Variants in ADAM23 observed in about 807,000 individuals in gnomAD.
The protein encoded by ADAM23 is ADAM metallopeptidase domain 23.
A neutral mutation model predicts 120.1 loss-of-function variants in ADAM23; 33 were observed. The observed-to-expected ratio is 0.27, with a 90% CI of 0.21 to 0.37. The LOEUF is 0.37. Ranked by LOEUF, ADAM23 falls within the 10% of genes least tolerant of loss-of-function variation. The pLI is 1.00. For missense variants in ADAM23, 862 were observed against 1,058.2 expected (o/e 0.81, Z 2.57); for synonymous variants, 367 against 375.2 (o/e 0.98, Z 0.25).
chr2:206,528,673 A>G (rs192428595), intron 3 of ADAM23, among the ~76,000 whole-genome samples: 2 of 152,272 alleles, frequency 1.3e-5, no homozygotes, highest in Admixed American at 1.3e-4. Flanking sequence ...GAGTCCTCCC[A>G]TTTTTCAGCT....
chr2:206,598,485 G>A (rs1698572811), intron 24 of ADAM23, among the ~76,000 whole-genome samples: 1 of 152,074 alleles, frequency 6.6e-6, no homozygotes, highest in African/African-American at 2.4e-5. Flanking sequence ...TCCATTTAAT[G>A]TGGTAGTATC....
chr2:206,493,108 G>C (rs1034447687), intron 3 of ADAM23, among the ~76,000 whole-genome samples: 6 of 152,150 alleles, frequency 3.9e-5, no homozygotes, highest in Admixed American at 2.6e-4. Flanking sequence ...TCTGTTGCCA[G>C]TGAGAATTGT....
intron 18 of ADAM23, among the ~76,000 whole-genome samples, chr2:206,585,717 CAT>C (rs1015879950): frequency 1.3e-5 from 2 of 151,968 alleles, no homozygotes; most frequent in East Asian, 1.9e-4. Flanking sequence ...AGGAACAAAA[CAT>C]AGAATCCTGC....
intron 3 of ADAM23, among the ~76,000 whole-genome samples, chr2:206,501,140 A>G (rs1477192640): frequency 2.0e-5 from 3 of 152,096 alleles, no homozygotes; most frequent in Non-Finnish European, 4.4e-5. Context: ...TTCCAAGAAC[A>G]ACTTGTAGCT....
chr2:206,577,655 T>C (rs1324510096), intron 18 of ADAM23, among the ~76,000 whole-genome samples: 1 of 142,630 alleles, frequency 7.0e-6, no homozygotes, highest in Non-Finnish European at 1.5e-5. Flanking sequence ...CTTAATCCAG[T>C]CTATCATTGT....
chr2:206,446,429 A>G (rs1169506558), intron 2 of ADAM23, among the ~76,000 whole-genome samples: 1 of 152,220 alleles, frequency 6.6e-6, no homozygotes, highest in Non-Finnish European at 1.5e-5. Flanking sequence ...AGGTGAGAAC[A>G]ACAGTTAGCA....
intron 3 of ADAM23, among the ~76,000 whole-genome samples, chr2:206,494,018 AC>A (rs1306087828): frequency 1.3e-5 from 2 of 152,238 alleles, no homozygotes; most frequent in African/African-American, 4.8e-5. Flanking sequence ...TTTAAGGTAT[AC>A]AAGGTGATGT....
Position 206,571,734 on chromosome 2 carries a change from A to G in ADAM23, c.1574A>G (p.Tyr525Cys). The part of the protein sequence containing the change: ...ECDCGFHVEC[Y>C]GLCCKKCSLS... ...GTGAAGTGTTTTCTCTAGGAATGCT[A>G]TGGATTATGCTGTAAGAAATGTTCC... Residue 525 changes from tyrosine (Y) to cysteine (C), a missense_variant, in exon 17 of 26, where the codon TAT becomes TGT. Physicochemically the swap from Tyr to Cys is radical, Grantham distance 194. Around this residue, in one of 4 missense-constraint regions of ADAM23, gnomAD observed 617 missense variants for 813.5 expected, o/e 0.76. Coordinates refer to ENST00000264377, the MANE Select transcript of ADAM23 (RefSeq NM_003812.4). The G allele has an allele frequency of 6.2e-7, 1 of 1,613,926 alleles. No individual in the cohort carries two copies. Among genetic ancestry groups the G allele is most frequent in the Non-Finnish European group, 8.5e-7 (1 of 1,179,818 alleles).
chr2:206,584,434 C>T (rs1698281442), intron 18 of ADAM23, among the ~76,000 whole-genome samples: 1 of 152,142 alleles, frequency 6.6e-6, no homozygotes. Context: ...GATTATATGC[C>T]CTTTGTCTTC....
chr2:206,456,322 G>C (rs1413885008), intron 2 of ADAM23, among the ~76,000 whole-genome samples: 2 of 151,790 alleles, frequency 1.3e-5, no homozygotes, highest in Non-Finnish European at 2.9e-5. Context: ...CATGAGAACA[G>C]CATGAGGGAA....
intron 2 of ADAM23, among the ~76,000 whole-genome samples, chr2:206,458,710 A>G (rs899874100): frequency 6.6e-6 from 1 of 152,220 alleles, no homozygotes; most frequent in African/African-American, 2.4e-5. Flanking sequence ...CTCATACTAT[A>G]AATAGCACAC....
Position 206,530,648 on chromosome 2 carries a change from G to A in ADAM23, c.510-237G>A, listed in dbSNP as rs375742563. ...AAAAAAAAAAAAAAAAGAGTTCACC[G>A]TTGGATTGTCTGTGTCTTGTCTTTT... On this transcript the variant is annotated intron_variant, in intron 3 of 25. Coordinates refer to ENST00000264377, the MANE Select transcript of ADAM23 (RefSeq NM_003812.4). Among the ~76,000 whole-genome samples, 371 of 139,030 alleles carry A rather than the reference G, an allele frequency of 2.7e-3. 6 individuals are homozygous for A. Among genetic ancestry groups the A allele is most frequent in the African/African-American group, 9.3e-3 (350 of 37,518 alleles). The allele number at this position is 139,030 out of a possible 152,430, so 91.2% of individuals were successfully genotyped here.
At chr2:206,508,447 G>C (rs1696547966) in intron 3 of ADAM23, among the ~76,000 whole-genome samples, 1 of 151,986 alleles carries the variant, frequency 6.6e-6, no homozygotes, top group South Asian at 2.1e-4. Flanking sequence ...CCTGAGGTCA[G>C]GAGTTTGAGA....
chr2:206,509,807 T>C (rs1026918227), intron 3 of ADAM23, among the ~76,000 whole-genome samples: 2 of 152,240 alleles, frequency 1.3e-5, no homozygotes, highest in African/African-American at 4.8e-5. Flanking sequence ...ATTTTCATAG[T>C]TAAAATTATA....
At chr2:206,456,966 G>C (rs1456489500) in intron 2 of ADAM23, among the ~76,000 whole-genome samples, 2 of 152,144 alleles carry the variant, frequency 1.3e-5, no homozygotes, top group Non-Finnish European at 2.9e-5. Context: ...GGTGCTTTGT[G>C]CTGTCTTTTA....
Position 206,529,076 on chromosome 2 carries a change from T to C in ADAM23, c.510-1809T>C, listed in dbSNP as rs1574515041. On this transcript the variant is annotated intron_variant, in intron 3 of 25. Coordinates refer to ENST00000264377, the MANE Select transcript of ADAM23 (RefSeq NM_003812.4). ...TTTCCACATTGTATAGGGAGAAATATGTTTTAAGAAGTTGAGTTAAAATAA... is the reference window on the plus strand; with the variant it reads ...TTTCCACATTGTATAGGGAGAAATACGTTTTAAGAAGTTGAGTTAAAATAA... 2.0e-5 allele frequency among the ~76,000 whole-genome samples: 3 copies of C among 152,142 alleles called. 1 individual carries two copies. Among genetic ancestry groups the C allele is most frequent in the South Asian group, 4.1e-4 (2 of 4,828 alleles).
chr2:206,463,516 T>G (rs919170338), intron 2 of ADAM23, among the ~76,000 whole-genome samples: 2 of 152,230 alleles, frequency 1.3e-5, no homozygotes, highest in Non-Finnish European at 1.5e-5. Flanking sequence ...TTTTAAGCCC[T>G]GACATCCAGG....
At chr2:206,615,966 T>C (rs1433151983) in intron 25 of ADAM23, among the ~76,000 whole-genome samples, 1 of 150,868 alleles carries the variant, frequency 6.6e-6, no homozygotes, top group East Asian at 1.9e-4. Flanking sequence ...CAGTGCTAGC[T>C]TGGTTTGCCC....
intron 6 of ADAM23, among the ~76,000 whole-genome samples, chr2:206,546,815 C>T (rs984630087): frequency 3.9e-5 from 6 of 151,924 alleles, no homozygotes; most frequent in Non-Finnish European, 5.9e-5. Context: ...ATTAACAGTA[C>T]CTGATACATA....
Sources: allele counts gnomAD v4.1 joint callset (sites outside exome capture counted in the v4.1 genomes callset), GRCh38; gene constraint gnomAD v4.1.1; regional missense constraint gnomAD v4.1.1; transcripts MANE v1.5; gene names NCBI Gene and HGNC (gene_info 2026-07-23, HGNC 2026-07-21).